Variants in MYEF2 observed in about 807,000 individuals in gnomAD.
MYEF2 encodes myelin expression factor 2.
Under a neutral mutation model 75.2 loss-of-function variants are expected in MYEF2, and 37 were observed. The ratio of observed to expected loss-of-function variants is 0.49; its 90% confidence interval spans 0.38 to 0.65. The LOEUF (loss-of-function observed/expected upper bound fraction) is 0.65. Among genes scored for constraint, MYEF2 ranks in the 30% least tolerant of loss-of-function variants. MYEF2 has a pLI of 0.00. For synonymous variants in MYEF2, 195 were observed against 241.6 expected (o/e 0.81, Z 1.79); for missense variants, 634 against 771.4 (o/e 0.82, Z 2.11).
intron 7 of MYEF2, 108 bp from the exon 8 acceptor site, chr15:48,158,332 C>T (rs2039786025): frequency 1.0e-6 from 1 of 969,742 alleles, no homozygotes; most frequent in East Asian, 2.6e-5. Context: ...TTTTAATTAA[C>T]ATCTTTAATA....
chr15:48,134,957 GTATAA>G lies in MYEF2; in HGVS notation c.*7946_*7950del, dbSNP rs779087076. ...ACAATTAGTGCAGCAGCAGTTCTTGGTATAATATATGACAACCAAGTTTACTGGTA... is the reference window on the plus strand; with the variant it reads ...ACAATTAGTGCAGCAGCAGTTCTTGGTATATGACAACCAAGTTTACTGGTA... On this transcript the variant is annotated 3_prime_UTR_variant, in exon 17 of 17. Coordinates refer to ENST00000324324, the MANE Select transcript of MYEF2 (RefSeq NM_016132.5). 1.1e-5 allele frequency: 18 copies of G among 1,611,430 alleles called. No homozygotes were observed. In the South Asian group the frequency reaches 1.8e-4, roughly 16 times the overall value.
Position 48,166,689 on chromosome 15 carries a change from C to T in MYEF2, c.424-561G>A, listed in dbSNP as rs2140915728. The stretch of plus-strand genomic sequence containing the variant: ...GGAGAGTTATTTAAAAAATAATTCC[C>T]TGTGATTGCCATTCAAAGTCCCATA... On this transcript the variant is annotated intron_variant, in intron 3 of 16. Transcript: ENST00000324324. Among the ~76,000 whole-genome samples, 2 of 151,996 alleles carry T rather than the reference C, an allele frequency of 1.3e-5. 1 individual carries two copies. Among genetic ancestry groups the T allele is most frequent in the South Asian group, 4.2e-4 (2 of 4,812 alleles).
intron 13 of MYEF2, 43 bp from the exon 14 acceptor site, chr15:48,151,214 A>ATG: frequency 1.4e-6 from 2 of 1,477,916 alleles, no homozygotes; most frequent in Non-Finnish European, 1.9e-6. Flanking sequence ...AATTTTAAAT[A>ATG]ATCATACTTT....
At position 48,138,551 on chromosome 15, in the gene MYEF2, G is replaced by A. The variant is rs2038959983; in HGVS notation, c.*4357C>T. ...ATATTCTTTAAGTATACATTATCTG[G>A]TACATAGGGCAGGCAGAGGCATCAT... On this transcript the variant is annotated 3_prime_UTR_variant, in exon 17 of 17. Coordinates refer to ENST00000324324, the MANE Select transcript of MYEF2 (RefSeq NM_016132.5). 6.3e-6 allele frequency: 1 copy of A among 157,974 alleles called. No individual in the cohort carries two copies. Among genetic ancestry groups the A allele is most frequent in the South Asian group, 1.9e-4 (1 of 5,304 alleles). The allele number at this position is 157,974 out of a possible 1,614,324, so 9.8% of individuals were successfully genotyped here.
chr15:48,149,474 A>G lies in MYEF2; in HGVS notation c.1379-103T>C. 1.2e-6 allele frequency: 1 copy of G among 836,970 alleles called. No homozygotes were observed. Among genetic ancestry groups the G allele is most frequent in the African/African-American group, 1.7e-5 (1 of 58,744 alleles). 51.8% of individuals were successfully genotyped at this position (836,970 alleles called of 1,614,324 possible). A position where few individuals can be genotyped will look rare whatever the true frequency, so the allele number is the denominator to read the frequency against. On this transcript the variant is annotated intron_variant, in intron 14 of 16. Coordinates refer to ENST00000324324, the MANE Select transcript of MYEF2 (RefSeq NM_016132.5). This position sits in a 1 kb window ranked among gnomAD's most constrained non-coding sequence, Gnocchi z 4.0. The stretch of plus-strand genomic sequence containing the variant: ...GAGAAAGGAGGAAAAGGAGATAAAC[A>G]TTTTTGAGAAAGAAGGGGGAAATTA...
chr15:48,153,039 A>G (rs576276989), intron 10 of MYEF2: 1 of 139,636 alleles, frequency 7.2e-6, no homozygotes, highest in South Asian at 2.1e-4. Flanking sequence ...CAAACACTAT[A>G]TGATGTACAA....
chr15:48,139,227 A>T lies in MYEF2; in HGVS notation c.*3681T>A, dbSNP rs930578480. On this transcript the variant is annotated 3_prime_UTR_variant, in exon 17 of 17. Transcript: ENST00000324324. ...ACTTGAAAATATTCATATAAGAACA[A>T]ATTGCATATGTTCACTCAAAGTAGT... is the stretch of plus-strand genomic sequence containing the variant. The T allele has an allele frequency of 1.4e-6, 2 of 1,452,298 alleles. No homozygotes were observed. The highest frequency in any genetic ancestry group is 1.9e-6 in the Non-Finnish European group (2 of 1,043,914). 90.0% of individuals were successfully genotyped at this position (1,452,298 alleles called of 1,614,324 possible). A position where few individuals can be genotyped will look rare whatever the true frequency, so the allele number is the denominator to read the frequency against.
intron 5 of MYEF2, among the ~76,000 whole-genome samples, chr15:48,161,418 T>G (rs2039937251): frequency 6.6e-6 from 1 of 152,048 alleles, no homozygotes; most frequent in African/African-American, 2.4e-5. Context: ...AAGCATTCAT[T>G]CCATCCACCC....
chr15:48,161,064 T>C (rs1359270746), intron 5 of MYEF2, among the ~76,000 whole-genome samples: 1 of 152,138 alleles, frequency 6.6e-6, no homozygotes, highest in Non-Finnish European at 1.5e-5. Context: ...CGGTTGTTTG[T>C]GCTTATAACA....
chr15:48,168,761 A>T lies in MYEF2; in HGVS notation c.240T>A (p.Phe80Leu), dbSNP rs939875430. 6.2e-7 allele frequency: 1 copy of T among 1,613,864 alleles called. No homozygotes were observed. Among genetic ancestry groups the T allele is most frequent in the African/African-American group, 1.3e-5 (1 of 75,046 alleles). The change falls in exon 2 of 17, where the codon TTT becomes TTA. Residue 80 changes from phenylalanine (F) to leucine (L), a missense_variant. Transcript: ENST00000324324. ...KSTGSKKANR[F>L]HPYSKDKNSG... ...AATTCTTGTCTTTTGAATAAGGATGAAATCTATTGGCCTTCTTACTTCCTG... is the reference window on the plus strand; with the variant it reads ...AATTCTTGTCTTTTGAATAAGGATGTAATCTATTGGCCTTCTTACTTCCTG...
At position 48,139,059 on chromosome 15, in the gene MYEF2, C is replaced by T. The variant is rs766912139; in HGVS notation, c.*3849G>A. The T allele has an allele frequency of 1.9e-6, 3 of 1,612,610 alleles. No individual in the cohort carries two copies. Among genetic ancestry groups the T allele is most frequent in the Non-Finnish European group, 1.7e-6 (2 of 1,179,040 alleles). ...CCTATTATTACATTACTTTTTCTAA[C>T]CACACCAGATTGTAGAAAAAAGTTT... On this transcript the variant is annotated 3_prime_UTR_variant, in exon 17 of 17. Coordinates refer to ENST00000324324, the MANE Select transcript of MYEF2 (RefSeq NM_016132.5).
At chr15:48,145,105 A>C (rs1012215637) in intron 16 of MYEF2, among the ~76,000 whole-genome samples, 1 of 151,742 alleles carries the variant, frequency 6.6e-6, no homozygotes, top group Non-Finnish European at 1.5e-5. Flanking sequence ...TGACCTCAAA[A>C]ATTTTCTAGT....
At chr15:48,153,750 T>C in intron 10 of MYEF2, 42 bp downstream of exon 10, 1 of 1,493,668 alleles carries the variant, frequency 6.7e-7, no homozygotes. Flanking sequence ...TTAGCTAGCA[T>C]ATGTATCATT....
At chr15:48,156,634 T>C (rs2039708702) in intron 9 of MYEF2, among the ~76,000 whole-genome samples, 1 of 151,742 alleles carries the variant, frequency 6.6e-6, no homozygotes, top group Non-Finnish European at 1.5e-5. Flanking sequence ...TGATAAAAAA[T>C]AGCAAATACT....
In MYEF2 at chr15:48,141,250, C is replaced by G. The variant is rs201749426; in HGVS notation, c.*1658G>C. 3 of 1,480,816 alleles carry G rather than the reference C, an allele frequency of 2.0e-6. No homozygotes were observed. The highest frequency in any genetic ancestry group is 9.4e-7 in the Non-Finnish European group (1 of 1,059,598). The allele number at this position is 1,480,816 out of a possible 1,614,324, so 91.7% of individuals were successfully genotyped here. On this transcript the variant is annotated 3_prime_UTR_variant, in exon 17 of 17. Transcript: ENST00000324324. Reference sequence around the variant, plus strand: ...GGTCCCTCAAGCTGCAATGGTCATTCTACAAGGCTAGAATGAGTAAAAGTA... The same window carrying G: ...GGTCCCTCAAGCTGCAATGGTCATTGTACAAGGCTAGAATGAGTAAAAGTA...
In MYEF2 at chr15:48,136,853, G is replaced by C; in HGVS notation, c.*6055C>G. 1 of 1,613,724 alleles carries C rather than the reference G, an allele frequency of 6.2e-7. No individual in the cohort carries two copies. On this transcript the variant is annotated 3_prime_UTR_variant, in exon 17 of 17. Transcript: ENST00000324324. ...CCACTGATGGGCTGGGAAGATGAAG[G>C]TCAACCATTCATTCGTCGGCAATCA...
In MYEF2 at chr15:48,141,350, G is replaced by C. The variant is rs573335961; in HGVS notation, c.*1558C>G. ...TCCCAGGATTTTGGGAGGCCGAGGC[G>C]GGTGGATCACGAGGTCAGGAGTTTG... is the stretch of plus-strand genomic sequence containing the variant. On this transcript the variant is annotated 3_prime_UTR_variant, in exon 17 of 17. Transcript: ENST00000324324. The C allele has an allele frequency of 5.0e-6, 3 of 597,944 alleles. No individual in the cohort carries two copies. The highest frequency in any genetic ancestry group is 2.9e-5 in the Admixed American group (1 of 34,048). 37.0% of individuals were successfully genotyped at this position (597,944 alleles called of 1,614,324 possible). A position where few individuals can be genotyped will look rare whatever the true frequency, so the allele number is the denominator to read the frequency against.
chr15:48,157,881 A>G, intron 9 of MYEF2, 112 bp downstream of exon 9: 1 of 1,516,932 alleles, frequency 6.6e-7, no homozygotes, highest in South Asian at 1.3e-5. Context: ...CTCCAAACTA[A>G]TCCCAAATTG....
In MYEF2 at chr15:48,141,096, A is replaced by G. The variant is rs1475800505; in HGVS notation, c.*1812T>C. 3.8e-6 allele frequency: 6 copies of G among 1,582,650 alleles called. No homozygotes were observed. The highest frequency in any genetic ancestry group is 4.3e-6 in the Non-Finnish European group (5 of 1,154,600). ...GAATCTTTAAGATTTGTAACTTGAAATATCTGTTTATTACAGGGGAAACAC... is the reference window on the plus strand; with the variant it reads ...GAATCTTTAAGATTTGTAACTTGAAGTATCTGTTTATTACAGGGGAAACAC... On this transcript the variant is annotated 3_prime_UTR_variant, in exon 17 of 17. Transcript: ENST00000324324.
Sources: allele counts gnomAD v4.1 joint callset (sites outside exome capture counted in the v4.1 genomes callset), GRCh38; gene constraint gnomAD v4.1.1; non-coding constraint Gnocchi (gnomAD v3.1); transcripts MANE v1.5; gene names NCBI Gene and HGNC (gene_info 2026-07-23, HGNC 2026-07-21).